TNPO1: variants seen among roughly 807,000 people sequenced by gnomAD.
The protein encoded by TNPO1 is transportin 1.
A neutral mutation model predicts 119.5 loss-of-function variants in TNPO1; 8 were observed. The ratio of observed to expected loss-of-function variants is 0.07; its 90% CI spans 0.04 to 0.12. The LOEUF (loss-of-function observed/expected upper bound fraction) is 0.12, where lower values mean the gene tolerates loss of function less well. Ranked by LOEUF, TNPO1 falls within the 10% of genes least tolerant of loss-of-function variation. The pLI is 1.00. For synonymous variants in TNPO1, 362 were observed against 363.0 expected (o/e 1.00, Z 0.03); for missense variants, 576 against 1,089.8 (o/e 0.53, Z 6.64).
At chr5:72,887,020 A>G (rs372043255) in intron 11 of TNPO1, 50 bp from the exon 12 acceptor site, 3 of 1,485,658 alleles carry the variant, frequency 2.0e-6, no homozygotes, top group African/African-American at 1.4e-5. Flanking sequence ...TAAATAATAT[A>G]TAAGTAATAA....
Position 72,875,683 on chromosome 5 carries a change from G to A in TNPO1, c.747G>A (p.Met249Ile), listed in dbSNP as rs745611669. 1 of 1,613,538 alleles carries A rather than the reference G, an allele frequency of 6.2e-7. No individual in the cohort carries two copies. Among genetic ancestry groups the A allele is most frequent in the Admixed American group, 1.7e-5 (1 of 60,004 alleles). ...VRKNVCRALV[M>I]LLEVRMDRLL... ...AAAATGTGTGCCGAGCACTTGTGAT[G>A]TTGCTCGAAGTTCGAATGGATCGCC... Residue 249 changes from methionine (M) to isoleucine (I), a missense_variant, in exon 8 of 25, where the codon ATG becomes ATA. Met to Ile is a conservative substitution (Grantham distance 10). Transcript: ENST00000337273.
At chr5:72,850,559 G>A (rs1745463523) in intron 2 of TNPO1, among the ~76,000 whole-genome samples, 1 of 152,144 alleles carries the variant, frequency 6.6e-6, no homozygotes, top group Admixed American at 6.5e-5. Context: ...GTTAGTTAGG[G>A]GTTGGGAGTC....
rs1445182283 is a variant in TNPO1, at chr5:72,897,041, T to G, written c.2243-15T>G. ...TTTTTCTTTTTTGTTTTTTTCTTTT[T>G]GGGATGATCTCTAGGTATAGAGATG... On this transcript the variant is annotated splice_polypyrimidine_tract_variant and intron_variant, in intron 19 of 24. Transcript: ENST00000337273. 3 of 1,527,120 alleles carry G rather than the reference T, an allele frequency of 2.0e-6. No homozygotes were observed. Among genetic ancestry groups the G allele is most frequent in the African/African-American group, 2.8e-5 (2 of 70,980 alleles). 94.6% of individuals were successfully genotyped at this position (1,527,120 alleles called of 1,614,324 possible).
At chr5:72,862,173 T>C (rs1746504192) in intron 5 of TNPO1, among the ~76,000 whole-genome samples, 1 of 152,260 alleles carries the variant, frequency 6.6e-6, no homozygotes, top group Non-Finnish European at 1.5e-5. Context: ...CTTGGATGTA[T>C]ATGTATGTAA....
chr5:72,873,611 G>T (rs1481598851), intron 7 of TNPO1, among the ~76,000 whole-genome samples: 2 of 152,060 alleles, frequency 1.3e-5, no homozygotes, highest in African/African-American at 4.8e-5. Context: ...TGATACTAGG[G>T]ATACTTAAAT....
intron 14 of TNPO1, 150 bp downstream of exon 14, chr5:72,890,107 AGTATATCCCCTTTCATGTG>A: frequency 2.5e-6 from 2 of 815,808 alleles, no homozygotes; most frequent in Admixed American, 6.2e-5. Flanking sequence ...AAAGGCAGCA[AGTATATCCCCTTTCATGTG>A]GTATTCTTAA....
chr5:72,883,731 T>G (rs965938748), intron 11 of TNPO1, among the ~76,000 whole-genome samples: 1 of 152,054 alleles, frequency 6.6e-6, no homozygotes, highest in African/African-American at 2.4e-5. Flanking sequence ...TGTAGACTTT[T>G]TTTGTTTGTT....
intron 15 of TNPO1, 133 bp downstream of exon 15, chr5:72,892,029 G>A: frequency 1.6e-6 from 1 of 631,592 alleles, no homozygotes; most frequent in South Asian, 2.2e-5. Flanking sequence ...GATACATACT[G>A]TTCTCTAACC....
At chr5:72,827,348 TG>T (rs942073932) in intron 1 of TNPO1, among the ~76,000 whole-genome samples, 1 of 152,040 alleles carries the variant, frequency 6.6e-6, no homozygotes, top group African/African-American at 2.4e-5. Flanking sequence ...AAGATTTTGA[TG>T]GGGGGAATAC....
At chr5:72,843,142 G>C (rs1009480901) in intron 1 of TNPO1, among the ~76,000 whole-genome samples, 1 of 152,154 alleles carries the variant, frequency 6.6e-6, no homozygotes, top group Non-Finnish European at 1.5e-5. Flanking sequence ...TCACCATGAA[G>C]AATTGTCCTA....
At chr5:72,839,421 TC>T (rs1744820230) in intron 1 of TNPO1, among the ~76,000 whole-genome samples, 1 of 152,106 alleles carries the variant, frequency 6.6e-6, no homozygotes, top group Non-Finnish European at 1.5e-5. Context: ...GAGATAAACT[TC>T]CCCCAAAACT....
chr5:72,868,751 G>T (rs1473497632), intron 6 of TNPO1, among the ~76,000 whole-genome samples: 1 of 151,782 alleles, frequency 6.6e-6, no homozygotes, highest in South Asian at 2.1e-4. Flanking sequence ...TTAACAAGTT[G>T]CAGTTACTTA....
At chr5:72,828,755 C>T (rs1365445663) in intron 1 of TNPO1, among the ~76,000 whole-genome samples, 1 of 151,712 alleles carries the variant, frequency 6.6e-6, no homozygotes, top group East Asian at 1.9e-4. Context: ...GATCTGGTGT[C>T]TAGGATTTTA....
chr5:72,827,925 A>G (rs1214071192), intron 1 of TNPO1, among the ~76,000 whole-genome samples: 5 of 152,122 alleles, frequency 3.3e-5, no homozygotes, highest in African/African-American at 9.6e-5. Context: ...GCCAAAAAAA[A>G]AAAAAAAGAG....
intron 4 of TNPO1, among the ~76,000 whole-genome samples, chr5:72,859,900 T>A (rs910970423): frequency 4.6e-5 from 7 of 152,230 alleles, no homozygotes; most frequent in Non-Finnish European, 8.8e-5. Flanking sequence ...CAGATCCAGA[T>A]CTTGCTCATT....
intron 22 of TNPO1, among the ~76,000 whole-genome samples, chr5:72,901,469 C>A (rs1233175164): frequency 6.6e-6 from 1 of 152,156 alleles, no homozygotes; most frequent in Non-Finnish European, 1.5e-5. Context: ...GAATAAAATA[C>A]TTTGAATCAG....
At chr5:72,819,625 C>A (rs1743857938) in intron 1 of TNPO1, among the ~76,000 whole-genome samples, 1 of 152,198 alleles carries the variant, frequency 6.6e-6, no homozygotes, top group Admixed American at 6.5e-5. Flanking sequence ...AATATTACAA[C>A]TCAGTACTGA....
intron 6 of TNPO1, among the ~76,000 whole-genome samples, chr5:72,870,931 C>T (rs979196657): frequency 5.3e-5 from 8 of 152,136 alleles, no homozygotes; most frequent in African/African-American, 1.9e-4. Flanking sequence ...TTAATCCCCC[C>T]AACAAATGAA....
intron 15 of TNPO1, among the ~76,000 whole-genome samples, chr5:72,892,110 A>G (rs1157056699): frequency 6.6e-6 from 1 of 152,102 alleles, no homozygotes; most frequent in Admixed American, 6.6e-5. Context: ...TATAGAGTAG[A>G]TAGCATACTA....
Sources: allele counts gnomAD v4.1 joint callset (sites outside exome capture counted in the v4.1 genomes callset), GRCh38; gene constraint gnomAD v4.1.1; transcripts MANE v1.5; gene names NCBI Gene and HGNC (gene_info 2026-07-23, HGNC 2026-07-21).